KLHL8: variants seen among roughly 807,000 people sequenced by gnomAD.
The protein encoded by KLHL8 is kelch-like protein 8.
In KLHL8, 38 loss-of-function variants were observed where a neutral mutation model predicts 63.5. That is an observed-to-expected ratio of 0.60 (90% CI 0.46 to 0.78). The LOEUF is 0.78. KLHL8 is among the 30% of genes least tolerant of loss of function. The pLI, the probability that KLHL8 is intolerant of heterozygous loss-of-function variation, is 0.00. For synonymous variants in KLHL8, 224 were observed against 254.3 expected, an observed-to-expected ratio of 0.88 and a Z score of 1.13; for missense variants, 566 against 752.4, an observed-to-expected ratio of 0.75 and a Z score of 2.90.
chr4:87,223,070 C>A (rs1440403097), upstream of KLHL8, among the ~76,000 whole-genome samples: 2 of 152,120 alleles, frequency 1.3e-5, no homozygotes, highest in Non-Finnish European at 1.5e-5. Context: ...GATTCTCCCA[C>A]CTCCCGAGTA....
chr4:87,239,023 T>C (rs1388225596), intron 1 of KLHL8, among the ~76,000 whole-genome samples: 5 of 152,258 alleles, frequency 3.3e-5, no homozygotes, highest in Non-Finnish European at 7.3e-5. Context: ...CATTCTATTA[T>C]ATTTTTTAAA....
At chr4:87,199,913 A>C (rs1340798022) in intron 1 of KLHL8, among the ~76,000 whole-genome samples, 1 of 151,740 alleles carries the variant, frequency 6.6e-6, no homozygotes, top group Non-Finnish European at 1.5e-5. Context: ...GTAGGCTGAT[A>C]CTCGAGGATT....
upstream of KLHL8, among the ~76,000 whole-genome samples, chr4:87,223,926 A>C (rs1420804794): frequency 6.6e-6 from 1 of 152,178 alleles, no homozygotes; most frequent in Non-Finnish European, 1.5e-5. Context: ...ATAAGTAAGG[A>C]TCTAAGAAAT....
intron 8 of KLHL8, 120 bp from the exon 9 acceptor site, chr4:87,164,199 A>T (rs1056268987): frequency 2.2e-6 from 2 of 921,904 alleles, no homozygotes; most frequent in Non-Finnish European, 3.2e-6. Flanking sequence ...TTTAGAGAAA[A>T]TTTTTTTAAA....
At chr4:87,226,650 A>T (rs1732985449) in intron 1 of KLHL8, among the ~76,000 whole-genome samples, 1 of 79,838 alleles carries the variant, frequency 1.3e-5, no homozygotes, top group South Asian at 3.2e-4. Context: ...AATAATATAT[A>T]TATTACTTAT....
chr4:87,239,440 C>G (rs1416217235), intron 1 of KLHL8, among the ~76,000 whole-genome samples: 1 of 152,146 alleles, frequency 6.6e-6, no homozygotes, highest in Admixed American at 6.5e-5. Flanking sequence ...CCGTTATTTC[C>G]CAGTACCTCT....
At chr4:87,181,599 A>G (rs1731054907) in intron 4 of KLHL8, among the ~76,000 whole-genome samples, 1 of 152,082 alleles carries the variant, frequency 6.6e-6, no homozygotes, top group Non-Finnish European at 1.5e-5. Context: ...GAAGGAAAAA[A>G]AAAAAAACTA....
intron 1 of KLHL8, among the ~76,000 whole-genome samples, chr4:87,239,630 A>C (rs7674452): frequency 6.6e-6 from 1 of 151,936 alleles, no homozygotes; most frequent in Non-Finnish European, 1.5e-5. Flanking sequence ...CCTCCTTCAA[A>C]TAATCCAGAA....
chr4:87,219,367 C>T (rs1235290740), intron 1 of KLHL8, among the ~76,000 whole-genome samples: 1 of 152,172 alleles, frequency 6.6e-6, no homozygotes, highest in African/African-American at 2.4e-5. Context: ...CCAACAATTA[C>T]CATCTTGTAT....
chr4:87,233,953 A>T (rs904862369), intron 1 of KLHL8, among the ~76,000 whole-genome samples: 1 of 152,222 alleles, frequency 6.6e-6, no homozygotes, highest in African/African-American at 2.4e-5. Context: ...ACATTACATA[A>T]ACTACCAAAA....
chr4:87,204,171 A>G (rs1732028626), intron 1 of KLHL8, among the ~76,000 whole-genome samples: 1 of 152,172 alleles, frequency 6.6e-6, no homozygotes. Flanking sequence ...TCATCCGATC[A>G]TGCCTGTGAA....
chr4:87,233,050 T>C (rs1229585914), intron 1 of KLHL8, among the ~76,000 whole-genome samples: 4 of 152,116 alleles, frequency 2.6e-5, no homozygotes, highest in Non-Finnish European at 5.9e-5. Context: ...TTTTTATTTT[T>C]CTTTTTTGAG....
At chr4:87,217,647 C>CTTTTTTTTTTTT (rs1216494811) in intron 1 of KLHL8, among the ~76,000 whole-genome samples, 1 of 128,386 alleles carries the variant, frequency 7.8e-6, no homozygotes. Context: ...AGCCTGGCCT[C>CTTTTTTTTTTTT]TTTTTTTTTT....
At chr4:87,215,205 T>A (rs1469429232) in intron 1 of KLHL8, among the ~76,000 whole-genome samples, 2 of 152,224 alleles carry the variant, frequency 1.3e-5, no homozygotes, top group African/African-American at 4.8e-5. Flanking sequence ...CCTTTTGTTT[T>A]CCATATCTAA....
chr4:87,167,723 A>G, intron 8 of KLHL8: 1 of 368,054 alleles, frequency 2.7e-6, no homozygotes, highest in Non-Finnish European at 5.4e-6. Flanking sequence ...CACTGACTGG[A>G]AGGAGCTATG....
At chr4:87,176,405 G>A (rs1410847310) in intron 6 of KLHL8, among the ~76,000 whole-genome samples, 1 of 152,042 alleles carries the variant, frequency 6.6e-6, no homozygotes, top group Non-Finnish European at 1.5e-5. Flanking sequence ...TCCCATAGAG[G>A]GGACAAAATC....
intron 5 of KLHL8, among the ~76,000 whole-genome samples, chr4:87,177,915 A>G (rs796644646): frequency 5.3e-5 from 8 of 152,286 alleles, no homozygotes; most frequent in African/African-American, 1.2e-4. Flanking sequence ...ACAAACAAAA[A>G]CACACAGAGA....
At chr4:87,234,244 C>A (rs1484930048) in intron 1 of KLHL8, among the ~76,000 whole-genome samples, 1 of 152,084 alleles carries the variant, frequency 6.6e-6, no homozygotes, top group Non-Finnish European at 1.5e-5. Context: ...TTGAGACCAT[C>A]CTGACCAACA....
rs536131690 is a variant in KLHL8, at chr4:87,237,414, AAAAAC to A, written n.57+2839_57+2843del. Among the ~76,000 whole-genome samples, 12 of 152,324 alleles carry A rather than the reference AAAAAC, an allele frequency of 7.9e-5. No homozygotes were observed. In the East Asian group the frequency reaches 1.7e-3, roughly 22 times the overall value. On this transcript the variant is annotated intron_variant and non_coding_transcript_variant, in intron 1 of 1. Coordinates refer to the KLHL8 transcript ENST00000506274. ...TGTTTAACTGTTATCAGTAGAAACT[AAAAAC>A]AAAACAAAACAAAATGTGTTTTTTC...
Sources: gnomAD v4.1 joint callset for allele counts (sites outside exome capture counted in the v4.1 genomes callset) on GRCh38, gnomAD v4.1.1 for gene constraint, MANE v1.5 for transcripts, NCBI Gene and HGNC (gene_info 2026-07-23, HGNC 2026-07-21) for gene names.